The following PHB1 variants were observed in gnomAD, a reference collection of about 807,000 sequenced individuals.
The protein encoded by PHB1 is prohibitin 1, also known as epididymis luminal protein 215.
the PHB1 span, chr17:49,409,166 C>T: frequency 3.7e-6 from 6 of 1,608,990 alleles, no homozygotes; most frequent in African/African-American, 8.0e-5. Flanking sequence ...AGCCTGGTTT[C>T]AAAGGGAGGA....
the PHB1 span, chr17:49,406,683 G>T: frequency 9.9e-7 from 1 of 1,011,984 alleles, no homozygotes; most frequent in Non-Finnish European, 1.6e-6. Context: ...GAATTTCCAG[G>T]CCACCCAGCA....
chr17:49,404,678 G>A, the PHB1 span: 9 of 409,440 alleles, frequency 2.2e-5, no homozygotes, highest in East Asian at 5.6e-5. Context: ...CCCCGCCTGC[G>A]TGCTGCCAAA....
At chr17:49,409,008 C>G in the PHB1 span, 1 of 1,352,058 alleles carries the variant, frequency 7.4e-7, no homozygotes. Flanking sequence ...GAACTGCAGC[C>G]CCTTCCCCTC....
At chr17:49,406,712 C>G in the PHB1 span, 3 of 1,345,238 alleles carry the variant, frequency 2.2e-6, no homozygotes, top group Non-Finnish European at 2.1e-6. Flanking sequence ...AGCTGAGTGC[C>G]GGAGAAAGGG....
At chr17:49,413,074 C>T in the PHB1 span, 6 of 827,014 alleles carry the variant, frequency 7.3e-6, no homozygotes, top group African/African-American at 1.0e-4. Flanking sequence ...GCCACAAACA[C>T]ATTCACTGAC....
chr17:49,412,517 C>T, the PHB1 span, among the ~76,000 whole-genome samples: 1 of 152,200 alleles, frequency 6.6e-6, no homozygotes, highest in Non-Finnish European at 1.5e-5. Flanking sequence ...TCTTGTCAGC[C>T]AGCCACACAC....
chr17:49,413,159 T>C, the PHB1 span: 7 of 1,579,420 alleles, frequency 4.4e-6, no homozygotes, highest in Non-Finnish European at 6.1e-6. Context: ...AGTGACCCAC[T>C]GTCCCTCCAT....
At chr17:49,406,854 T>A in the PHB1 span, 2 of 1,610,516 alleles carry the variant, frequency 1.2e-6, no homozygotes, top group Non-Finnish European at 1.7e-6. Context: ...GTCAGATGTG[T>A]CTAAGGGGAG....
At chr17:49,409,594 T>A in the PHB1 span, 2 of 758,808 alleles carry the variant, frequency 2.6e-6, no homozygotes, top group Non-Finnish European at 4.2e-6. Flanking sequence ...TAGGCTGGAG[T>A]ACAATGGGAC....
chr17:49,408,809 T>G, the PHB1 span: 7 of 500,964 alleles, frequency 1.4e-5, no homozygotes, highest in Admixed American at 2.3e-4. Context: ...TTAGAGACTA[T>G]CTGGATACAA....
chr17:49,408,125 C>T, the PHB1 span, among the ~76,000 whole-genome samples: 23 of 152,278 alleles, frequency 1.5e-4, no homozygotes, highest in African/African-American at 4.6e-4. Context: ...ACGGTAATTA[C>T]GAGGGAAGGG....
chr17:49,409,375 G>A, the PHB1 span: 6 of 1,614,110 alleles, frequency 3.7e-6, no homozygotes, highest in Non-Finnish European at 5.1e-6. Context: ...GGCAGCACAC[G>A]CTCATCATAG....
chr17:49,411,053 G>A, the PHB1 span, among the ~76,000 whole-genome samples: 1 of 152,138 alleles, frequency 6.6e-6, no homozygotes, highest in Non-Finnish European at 1.5e-5. Flanking sequence ...CACCAAGAGA[G>A]GTGGGCAATG....
the PHB1 span, chr17:49,414,427 C>T: frequency 6.6e-6 from 1 of 152,086 alleles, no homozygotes; most frequent in Non-Finnish European, 1.5e-5. Flanking sequence ...GCGGGGTGGG[C>T]ATAAGCACAG....
At chr17:49,413,753 C>A in the PHB1 span, among the ~76,000 whole-genome samples, 1 of 152,044 alleles carries the variant, frequency 6.6e-6, no homozygotes, top group Non-Finnish European at 1.5e-5. Flanking sequence ...CAAGTGATCC[C>A]CCTGCCTCGG....
the PHB1 span, among the ~76,000 whole-genome samples, chr17:49,408,058 C>T: frequency 2.0e-5 from 3 of 152,184 alleles, no homozygotes; most frequent in Admixed American, 6.5e-5. Flanking sequence ...AGTAAAATGC[C>T]AACTTTTCCC....
At chr17:49,405,099 G>A in the PHB1 span, 4 of 1,612,914 alleles carry the variant, frequency 2.5e-6, no homozygotes, top group South Asian at 4.4e-5. Context: ...AGCTTGCGCA[G>A]CTCGATCAGG....
the PHB1 span, chr17:49,409,254 G>A: frequency 1.9e-6 from 3 of 1,596,180 alleles, no homozygotes; most frequent in Non-Finnish European, 2.6e-6. Flanking sequence ...CCAACCCACT[G>A]CCAAGCGCTT....
chr17:49,406,728 A>G, the PHB1 span: 2 of 1,494,542 alleles, frequency 1.3e-6, no homozygotes, highest in Non-Finnish European at 1.9e-6. Flanking sequence ...AAGGGGAGAG[A>G]GAGGCTCCTG....
Sources: allele counts gnomAD v4.1 joint callset (sites outside exome capture counted in the v4.1 genomes callset), GRCh38; gene constraint gnomAD v4.1.1; transcripts MANE v1.5; gene names NCBI Gene and HGNC (gene_info 2026-07-23, HGNC 2026-07-21).